ST6GAL2: variants seen among roughly 807,000 people sequenced by gnomAD.
ST6GAL2 encodes the protein ST6 beta-galactoside alpha-2,6-sialyltransferase 2.
A neutral mutation model predicts 37.5 loss-of-function variants in ST6GAL2; 24 were observed. The ratio of observed to expected loss-of-function variants is 0.64; its 90% CI spans 0.46 to 0.90. ST6GAL2 has a LOEUF of 0.90. Among genes scored for constraint, ST6GAL2 ranks in the 40% least tolerant of loss-of-function variants. The probability of loss-of-function intolerance (pLI) is 0.00; values close to 1 mark genes in which losing one functional copy is unlikely to be tolerated. For synonymous variants in ST6GAL2, 306 were observed against 295.1 expected, an observed-to-expected ratio of 1.04 and a Z score of -0.38; for missense variants, 715 against 712.7, an observed-to-expected ratio of 1.00 and a Z score of -0.04.
chr2:106,867,951 C>G (rs1301012934), intron 1 of ST6GAL2, among the ~76,000 whole-genome samples: 1 of 152,140 alleles, frequency 6.6e-6, no homozygotes, highest in African/African-American at 2.4e-5. Flanking sequence ...CATAAGTCAT[C>G]TCAAAGAATA....
At chr2:106,842,894 T>G (rs1270837276) in intron 2 of ST6GAL2, 141 bp downstream of exon 2, 2 of 527,988 alleles carry the variant, frequency 3.8e-6, no homozygotes, top group Non-Finnish European at 6.2e-6. Flanking sequence ...ACCTGAAGAA[T>G]CTCCAGCTAA....
chr2:106,884,913 A>ATATATATATG (rs1177967605), intron 1 of ST6GAL2, among the ~76,000 whole-genome samples: 6 of 114,368 alleles, frequency 5.2e-5, no homozygotes, highest in African/African-American at 2.0e-4. Flanking sequence ...GCGCATATAT[A>ATATATATATG]TATATATATA....
At chr2:106,839,058 AC>A (rs67302519) in intron 2 of ST6GAL2, among the ~76,000 whole-genome samples, 9,947 of 151,404 alleles carry the variant, frequency 0.066, 848 homozygotes, top group African/African-American at 0.2. Flanking sequence ...AAACAAACAA[AC>A]AAAAAAAACA....
chr2:106,821,217 A>G (rs1675989919), intron 5 of ST6GAL2, among the ~76,000 whole-genome samples: 1 of 151,772 alleles, frequency 6.6e-6, no homozygotes, highest in South Asian at 2.1e-4. Context: ...TTTTGAAAAG[A>G]TAAACAAAAT....
chr2:106,836,829 C>T (rs1230047272), intron 2 of ST6GAL2, among the ~76,000 whole-genome samples: 1 of 146,558 alleles, frequency 6.8e-6, no homozygotes, highest in East Asian at 2.0e-4. Context: ...TGCCTGTAAT[C>T]CCAGCTACTC....
In ST6GAL2 at chr2:106,806,826, G is replaced by A. The variant is rs755229256; in HGVS notation, c.1442C>T (p.Ala481Val). 5 of 1,614,052 alleles carry A rather than the reference G, an allele frequency of 3.1e-6. No homozygotes were observed. Among genetic ancestry groups the A allele is most frequent in the Middle Eastern group, 1.6e-4 (1 of 6,084 alleles). ...CTTCTCATAGAGTAGTGGGTGGTAC[G>A]CCCCGAGGGTGCAGGCTGCGTCGTA... ...LYYDAACTLG[A>V]YHPLLYEKLL... The change falls in exon 6 of 6, where the codon GCG (alanine) becomes GTG (valine). Residue 481 changes from alanine (A) to valine (V), a missense_variant. Physicochemically the swap from Ala to Val is moderately conservative, Grantham distance 64. This residue lies in a region of ST6GAL2 where 198 missense variants were observed against 203.6 expected (regional missense o/e 0.97). Coordinates refer to ENST00000409382, the MANE Select transcript of ST6GAL2 (RefSeq NM_001142351.2).
intron 1 of ST6GAL2, among the ~76,000 whole-genome samples, chr2:106,880,512 G>C (rs946726486): frequency 1.3e-5 from 2 of 152,194 alleles, no homozygotes; most frequent in East Asian, 3.8e-4. Flanking sequence ...AGGGAGTAGA[G>C]GTTCTTGCAT....
intron 5 of ST6GAL2, among the ~76,000 whole-genome samples, chr2:106,811,630 C>T (rs1042436931): frequency 6.6e-5 from 10 of 152,246 alleles, no homozygotes; most frequent in East Asian, 1.9e-4. Context: ...GTATCCTAAA[C>T]GTCATACTGA....
At chr2:106,878,221 T>C (rs1019859134) in intron 1 of ST6GAL2, among the ~76,000 whole-genome samples, 1 of 152,206 alleles carries the variant, frequency 6.6e-6, no homozygotes, top group Non-Finnish European at 1.5e-5. Flanking sequence ...CCCAGCACTT[T>C]GGGGGTTGAG....
In ST6GAL2 at chr2:106,803,563, A is replaced by G. The variant is rs1675323713; in HGVS notation, c.*3115T>C. ...CTGGCTGGAGAAATAAGGTAGGGAGAATCTAGATATGGTTGAATTGTCATT... is the reference window on the plus strand; with the variant it reads ...CTGGCTGGAGAAATAAGGTAGGGAGGATCTAGATATGGTTGAATTGTCATT... On this transcript the variant is annotated 3_prime_UTR_variant, in exon 6 of 6. Coordinates refer to ENST00000409382, the MANE Select transcript of ST6GAL2 (RefSeq NM_001142351.2). 1 of 152,068 alleles carries G rather than the reference A, an allele frequency of 6.6e-6. No homozygotes were observed. Among genetic ancestry groups the G allele is most frequent in the African/African-American group, 2.4e-5 (1 of 41,414 alleles). 9.4% of individuals were successfully genotyped at this position (152,068 alleles called of 1,614,324 possible).
rs1356910312 is a variant in ST6GAL2 at position 106,886,080 on chromosome 2, T to C, written c.-58+13A>G. Reference sequence around the variant, plus strand: ...AAAGGCGTCGCCAACCCTTACCCAGTGCCCTCCCTTACCAGCCTTCTTCCC... The same window carrying C: ...AAAGGCGTCGCCAACCCTTACCCAGCGCCCTCCCTTACCAGCCTTCTTCCC... On this transcript the variant is annotated intron_variant, in intron 1 of 5. Transcript: ENST00000409382. 1.3e-5 allele frequency: 2 copies of C among 152,154 alleles called. No homozygotes were observed. Among genetic ancestry groups the C allele is most frequent in the Non-Finnish European group, 2.9e-5 (2 of 68,204 alleles). 9.4% of individuals were successfully genotyped at this position (152,154 alleles called of 1,614,324 possible). A position where few individuals can be genotyped will look rare whatever the true frequency, so the allele number is the denominator to read the frequency against.
chr2:106,859,426 A>T (rs1394803136), intron 1 of ST6GAL2, among the ~76,000 whole-genome samples: 1 of 152,184 alleles, frequency 6.6e-6, no homozygotes, highest in African/African-American at 2.4e-5. Context: ...ATAATCAATA[A>T]ACTATGTGAT....
intron 1 of ST6GAL2, among the ~76,000 whole-genome samples, chr2:106,879,626 T>TAC (rs1401324357): frequency 6.6e-6 from 1 of 150,524 alleles, no homozygotes; most frequent in African/African-American, 2.4e-5. Flanking sequence ...ATTATATATA[T>TAC]ATCTATTATA....
intron 1 of ST6GAL2, 90 bp from the exon 2 acceptor site, chr2:106,844,124 G>A (rs1677052144): frequency 1.6e-6 from 1 of 611,366 alleles, no homozygotes; most frequent in Admixed American, 3.0e-5. Context: ...GTTTCTGTAG[G>A]TGGTGGGGTG....
chr2:106,851,453 C>T lies in ST6GAL2; in HGVS notation c.-57-7419G>A, dbSNP rs1419060067. Among the ~76,000 whole-genome samples the T allele has an allele frequency of 3.3e-5, 5 of 152,210 alleles. No individual in the cohort carries two copies. The East Asian group carries it at 7.7e-4, about 23-fold the overall frequency. ...GAGAAATGACATTTTCCAAAAGGCA[C>T]AATTTATTACGAGTTGTCAGATAAA... On this transcript the variant is annotated intron_variant, in intron 1 of 5. Transcript: ENST00000409382.
At chr2:106,813,198 T>C (rs1271687421) in intron 5 of ST6GAL2, 12 of 1,371,922 alleles carry the variant, frequency 8.7e-6, no homozygotes, top group Non-Finnish European at 9.5e-7. Context: ...CTGCAAGCTC[T>C]GATATGGCCA....
chr2:106,863,528 T>C (rs563691759), intron 1 of ST6GAL2, among the ~76,000 whole-genome samples: 500 of 152,270 alleles, frequency 3.3e-3, no homozygotes, highest in African/African-American at 0.012. Flanking sequence ...TTTCTGAGGC[T>C]GGTTCCAGAG....
rs1168669744 is a variant in ST6GAL2, at chr2:106,862,414, C to T, written c.-57-18380G>A. On this transcript the variant is annotated intron_variant, in intron 1 of 5. Coordinates refer to ENST00000409382, the MANE Select transcript of ST6GAL2 (RefSeq NM_001142351.2). Reference sequence around the variant, plus strand: ...GAAAATGTTTATGATCTCTATCAAACAAACACTGAATTCATCAGTCTGAAA... The same window carrying T: ...GAAAATGTTTATGATCTCTATCAAATAAACACTGAATTCATCAGTCTGAAA... Among the ~76,000 whole-genome samples the T allele has an allele frequency of 4.6e-5, 7 of 152,292 alleles. No individual in the cohort carries two copies. The South Asian group carries it at 1.4e-3, about 32-fold the overall frequency.
intron 1 of ST6GAL2, among the ~76,000 whole-genome samples, chr2:106,866,558 A>T (rs1259792235): frequency 2.0e-5 from 3 of 152,222 alleles, no homozygotes; most frequent in Admixed American, 2.0e-4. Flanking sequence ...CAAGTGGAGG[A>T]TCCCACAGCT....
Sources: gnomAD v4.1 joint callset for allele counts (sites outside exome capture counted in the v4.1 genomes callset) on GRCh38, gnomAD v4.1.1 for gene constraint, gnomAD v4.1.1 regional missense constraint, MANE v1.5 for transcripts, NCBI Gene and HGNC (gene_info 2026-07-23, HGNC 2026-07-21) for gene names.